The following KHDRBS2 variants were observed in gnomAD, a reference collection of about 807,000 sequenced individuals.
The protein encoded by KHDRBS2 is KH domain-containing, RNA-binding, signal transduction-associated protein 2.
KHDRBS2 carries 26 observed loss-of-function variants against 44.3 expected under a neutral mutation model. That is an observed-to-expected ratio of 0.59 (90% CI 0.43 to 0.81). The LOEUF (loss-of-function observed/expected upper bound fraction) is 0.81. Ranked by LOEUF, KHDRBS2 falls within the 40% of genes least tolerant of loss-of-function variation. KHDRBS2 has a pLI of 0.00. For synonymous variants in KHDRBS2, 194 were observed against 151.1 expected, an observed-to-expected ratio of 1.28 and a Z score of -2.08; for missense variants, 476 against 433.1, an observed-to-expected ratio of 1.10 and a Z score of -0.88.
chr6:62,163,130 C>T (rs184954512), intron 2 of KHDRBS2, among the ~76,000 whole-genome samples: 12 of 151,794 alleles, frequency 7.9e-5, no homozygotes, highest in African/African-American at 1.5e-4. Flanking sequence ...TATTAAGTTG[C>T]GTGGAAGAGT....
intron 6 of KHDRBS2, among the ~76,000 whole-genome samples, chr6:61,766,204 G>A (rs749001614): frequency 7.3e-5 from 11 of 151,322 alleles, no homozygotes; most frequent in Admixed American, 5.3e-4. Context: ...ATTCAATCTC[G>A]GTAGGTTTTT....
At chr6:62,156,035 A>G (rs937587591) in intron 2 of KHDRBS2, among the ~76,000 whole-genome samples, 1 of 152,136 alleles carries the variant, frequency 6.6e-6, no homozygotes, top group Non-Finnish European at 1.5e-5. Context: ...TGGCAGCCAC[A>G]TTTTGTATGT....
chr6:61,951,522 T>A (rs1764735359), intron 4 of KHDRBS2, among the ~76,000 whole-genome samples: 1 of 152,110 alleles, frequency 6.6e-6, no homozygotes, highest in Non-Finnish European at 1.5e-5. Flanking sequence ...CTTAAGATTA[T>A]GCCTCCTAAC....
chr6:62,097,262 T>A (rs1442440025), intron 2 of KHDRBS2, among the ~76,000 whole-genome samples: 3 of 152,120 alleles, frequency 2.0e-5, no homozygotes, highest in South Asian at 2.1e-4. Flanking sequence ...TAGGGTACAA[T>A]TTAACTCCAC....
At chr6:62,175,850 AG>A (rs1256647129) in intron 2 of KHDRBS2, among the ~76,000 whole-genome samples, 2 of 151,506 alleles carry the variant, frequency 1.3e-5, no homozygotes, top group African/African-American at 4.8e-5. Context: ...AGAGCCATCA[AG>A]ACTTTAAATG....
At chr6:61,849,265 T>A (rs1795098530) in intron 6 of KHDRBS2, among the ~76,000 whole-genome samples, 1 of 152,128 alleles carries the variant, frequency 6.6e-6, no homozygotes, top group Non-Finnish European at 1.5e-5. Context: ...ACTGGTTCTC[T>A]AATTAATTAA....
At chr6:62,189,001 T>TA (rs1381790834) in intron 1 of KHDRBS2, among the ~76,000 whole-genome samples, 3 of 152,058 alleles carry the variant, frequency 2.0e-5, no homozygotes, top group East Asian at 3.9e-4. Flanking sequence ...TGTAATCCCA[T>TA]CTACTCAAAG....
the KHDRBS2 span, among the ~76,000 whole-genome samples, chr6:61,614,460 T>G: frequency 2.0e-5 from 3 of 152,224 alleles, no homozygotes; most frequent in Admixed American, 2.0e-4. Flanking sequence ...TACAAAATAA[T>G]ATAATTTTAT....
intron 1 of KHDRBS2, among the ~76,000 whole-genome samples, chr6:62,239,816 G>A (rs1834304208): frequency 6.6e-6 from 1 of 151,960 alleles, no homozygotes; most frequent in Non-Finnish European, 1.5e-5. Flanking sequence ...CTCCTGAGTA[G>A]CTGGGATTAC....
intron 2 of KHDRBS2, among the ~76,000 whole-genome samples, chr6:62,136,672 T>C (rs1250533019): frequency 6.6e-6 from 1 of 152,214 alleles, no homozygotes; most frequent in African/African-American, 2.4e-5. Flanking sequence ...AGAATATCAC[T>C]AATGCTAAAA....
At chr6:61,718,497 T>C (rs1042603380) in intron 7 of KHDRBS2, among the ~76,000 whole-genome samples, 5 of 152,144 alleles carry the variant, frequency 3.3e-5, no homozygotes, top group Admixed American at 6.6e-5. Flanking sequence ...TGTCCCACTT[T>C]CTTTCTTGCC....
intron 2 of KHDRBS2, among the ~76,000 whole-genome samples, chr6:62,148,185 T>C (rs1240256117): frequency 6.6e-6 from 1 of 151,994 alleles, no homozygotes; most frequent in Admixed American, 6.6e-5. Context: ...ACAAAAATCT[T>C]GGTGTCCTCT....
intron 3 of KHDRBS2, among the ~76,000 whole-genome samples, chr6:61,985,745 C>A (rs1048710155): frequency 1.3e-5 from 2 of 152,176 alleles, no homozygotes; most frequent in Admixed American, 1.3e-4. Context: ...TCTCAGGTTT[C>A]TCACAGCTTC....
intron 3 of KHDRBS2, among the ~76,000 whole-genome samples, chr6:61,985,905 T>C (rs556241804): frequency 6.6e-6 from 1 of 152,288 alleles, no homozygotes; most frequent in East Asian, 1.9e-4. Context: ...TATGTTATTA[T>C]TTAAGCATCT....
chr6:61,682,123 C>T (rs1582136222), intron 8 of KHDRBS2, among the ~76,000 whole-genome samples: 1 of 151,904 alleles, frequency 6.6e-6, no homozygotes, highest in East Asian at 1.9e-4. Context: ...GGGCATTTGC[C>T]CCCAGATAGT....
chr6:61,997,853 G>C (rs1041271388), intron 3 of KHDRBS2, among the ~76,000 whole-genome samples: 24 of 152,096 alleles, frequency 1.6e-4, no homozygotes, highest in African/African-American at 5.6e-4. Flanking sequence ...GATTCTATAA[G>C]AAATGTACAG....
rs116138920 is a variant in KHDRBS2 at position 62,267,372 on chromosome 6, G to A, written c.91+18486C>T. On this transcript the variant is annotated intron_variant, in intron 1 of 8. Transcript: ENST00000281156. The stretch of plus-strand genomic sequence containing the variant: ...ATTAGGAATCAGCCCAAACTGGTTT[G>A]CTTCCTCTCAGTTTTAATGCCAAGT... Among the ~76,000 whole-genome samples the A allele has an allele frequency of 1.9e-3, 289 of 152,116 alleles. 3 individuals carry two copies. The highest frequency in any genetic ancestry group is 6.7e-3 in the African/African-American group (279 of 41,524).
At chr6:61,543,097 C>G in the KHDRBS2 span, among the ~76,000 whole-genome samples, 1 of 151,770 alleles carries the variant, frequency 6.6e-6, no homozygotes, top group Non-Finnish European at 1.5e-5. Flanking sequence ...GCAACCAAAG[C>G]AAAAATGGAC....
At chr6:62,240,658 A>ATG (rs1834464081) in intron 1 of KHDRBS2, among the ~76,000 whole-genome samples, 8 of 115,158 alleles carry the variant, frequency 6.9e-5, no homozygotes, top group African/African-American at 2.5e-4. Flanking sequence ...GTATGTGTGT[A>ATG]TGTATGTGTG....
Sources: allele counts gnomAD v4.1 joint callset (sites outside exome capture counted in the v4.1 genomes callset), GRCh38; gene constraint gnomAD v4.1.1; transcripts MANE v1.5; gene names NCBI Gene and HGNC (gene_info 2026-07-23, HGNC 2026-07-21).